Variants in HDLBP observed in about 807,000 individuals in gnomAD.
HDLBP encodes the protein vigilin.
Under a neutral mutation model 137.3 loss-of-function variants are expected in HDLBP, and 30 were observed. The ratio of observed to expected loss-of-function variants is 0.22; its 90% CI spans 0.16 to 0.30. The LOEUF (loss-of-function observed/expected upper bound fraction) is 0.30, where lower values mean the gene tolerates loss of function less well. HDLBP is among the 10% of genes least tolerant of loss of function. HDLBP has a pLI of 1.00. For missense variants in HDLBP, 1,119 were observed against 1,667.3 expected (o/e 0.67, Z 5.73); for synonymous variants, 606 against 596.0 (o/e 1.02, Z -0.24).
intron 16 of HDLBP, among the ~76,000 whole-genome samples, chr2:241,245,713 G>T (rs2149433317): frequency 6.6e-6 from 1 of 152,240 alleles, no homozygotes; most frequent in South Asian, 2.1e-4. Flanking sequence ...AAGGTGGGAG[G>T]ACTGCTTGAG....
chr2:241,310,694 A>T (rs1238182646), intron 1 of HDLBP, among the ~76,000 whole-genome samples: 2 of 152,228 alleles, frequency 1.3e-5, no homozygotes. Context: ...AAATCAAAGC[A>T]ATAAATCAAA....
At chr2:241,299,002 C>G (rs1454171226) in intron 1 of HDLBP, among the ~76,000 whole-genome samples, 1 of 152,184 alleles carries the variant, frequency 6.6e-6, no homozygotes, top group Non-Finnish European at 1.5e-5. Flanking sequence ...GCAACGCATT[C>G]ATGTTGATTT....
intron 3 of HDLBP, among the ~76,000 whole-genome samples, chr2:241,266,051 C>T (rs7590080): frequency 0.14 from 21,594 of 152,166 alleles, 2,017 homozygotes; most frequent in Non-Finnish European, 0.21. Flanking sequence ...AAGTGTGTTT[C>T]GAACAACCTG....
intron 1 of HDLBP, among the ~76,000 whole-genome samples, chr2:241,285,634 A>C (rs1287523367): frequency 2.0e-5 from 3 of 152,242 alleles, no homozygotes; most frequent in Non-Finnish European, 4.4e-5. Context: ...AGTTAATGTA[A>C]CTACATTTAG....
intron 1 of HDLBP, among the ~76,000 whole-genome samples, chr2:241,278,516 G>A (rs946886695): frequency 3.9e-5 from 6 of 151,948 alleles, no homozygotes; most frequent in African/African-American, 1.5e-4. Context: ...CCGGGAGGTG[G>A]AGGTTGCAGT....
At chr2:241,292,217 C>G (rs968122760) in intron 1 of HDLBP, among the ~76,000 whole-genome samples, 3 of 136,578 alleles carry the variant, frequency 2.2e-5, no homozygotes, top group Admixed American at 1.6e-4. Flanking sequence ...CAGCCTGAAA[C>G]CAATTAAGCA....
intron 1 of HDLBP, among the ~76,000 whole-genome samples, chr2:241,294,076 C>T (rs2075097240): frequency 6.6e-6 from 1 of 152,176 alleles, no homozygotes; most frequent in Admixed American, 6.5e-5. Flanking sequence ...ACAATATTAT[C>T]TTTGCCTGGT....
intron 1 of HDLBP, among the ~76,000 whole-genome samples, chr2:241,291,692 A>AATG (rs1241109030): frequency 6.6e-6 from 1 of 152,264 alleles, no homozygotes; most frequent in Non-Finnish European, 1.5e-5. Flanking sequence ...TAGGCTGAAC[A>AATG]ATGGCCTCCA....
Position 241,301,289 on chromosome 2 carries a change from A to G in HDLBP, c.-103+14281T>C, listed in dbSNP as rs546473503. Among the ~76,000 whole-genome samples, 23 of 152,108 alleles carry G rather than the reference A, an allele frequency of 1.5e-4. No homozygotes were observed. The South Asian group carries it at 4.8e-3, about 32-fold the overall frequency. ...GGCATGAGCCACTGCACCCGGCCAC[A>G]CACATACTGATTTAAACCAATGCTA... On this transcript the variant is annotated intron_variant, in intron 1 of 27. Transcript: ENST00000310931.
At position 241,273,751 on chromosome 2, in the gene HDLBP, A is replaced by G. The variant is rs865871524; in HGVS notation, c.-102-5210T>C. On this transcript the variant is annotated intron_variant, in intron 1 of 27. Coordinates refer to ENST00000310931, the MANE Select transcript of HDLBP (RefSeq NM_005336.6). ...GGGCACACCCAGCCTTACCCAGGGAATGGGGTCAGGTCCGCACAGCCTGCA... is the reference window on the plus strand; with the variant it reads ...GGGCACACCCAGCCTTACCCAGGGAGTGGGGTCAGGTCCGCACAGCCTGCA... The G allele has an allele frequency of 1.5e-5, 12 of 821,326 alleles. No homozygotes were observed. The Middle Eastern group carries it at 4.4e-3, about 300-fold the overall frequency. 50.9% of individuals were successfully genotyped at this position (821,326 alleles called of 1,614,324 possible). A position where few individuals can be genotyped will look rare whatever the true frequency, so the allele number is the denominator to read the frequency against.
chr2:241,238,740 T>C lies in HDLBP; in HGVS notation c.2658A>G (p.Arg886=), dbSNP rs2070861387. Residue 886 remains arginine, a synonymous_variant, in exon 20 of 28, where the codon CGA becomes CGG. Transcript: ENST00000310931. The surrounding 1 kb of genome is among the most constrained non-coding windows in gnomAD (Gnocchi z 4.9). ...LECAIPQKFH[R]SVMGPKGSRI... ...TGGAACCTTTGGGGCCCATGACAGA[T>C]CGATGGAATTTCTGGGGTATAGCAC... 1 of 1,577,754 alleles carries C rather than the reference T, an allele frequency of 6.3e-7. No homozygotes were observed.
chr2:241,272,536 G>A lies in HDLBP; in HGVS notation c.-102-3995C>T, dbSNP rs2074166283. 1.0e-6 allele frequency: 1 copy of A among 984,522 alleles called. No homozygotes were observed. Among genetic ancestry groups the A allele is most frequent in the East Asian group, 1.1e-4 (1 of 8,750 alleles). 61.0% of individuals were successfully genotyped at this position (984,522 alleles called of 1,614,324 possible). A position where few individuals can be genotyped will look rare whatever the true frequency, so the allele number is the denominator to read the frequency against. The stretch of plus-strand genomic sequence containing the variant: ...CCGCGCCACGGCCACGCGCAGAAGA[G>A]ACTCGGAGCCGGCCCCAGGTCTGGC... On this transcript the variant is annotated intron_variant, in intron 1 of 27. Transcript: ENST00000310931. The surrounding 1 kb of genome is among the most constrained non-coding windows in gnomAD (Gnocchi z 5.6).
At position 241,227,990 on chromosome 2, in the gene HDLBP, A is replaced by G. The variant is rs2069291417; in HGVS notation, c.*1611T>C. 1 of 152,248 alleles carries G rather than the reference A, an allele frequency of 6.6e-6. No individual in the cohort carries two copies. The highest frequency in any genetic ancestry group is 1.5e-5 in the Non-Finnish European group (1 of 68,054). The allele number at this position is 152,248 out of a possible 1,614,324, so 9.4% of individuals were successfully genotyped here. A position where few individuals can be genotyped will look rare whatever the true frequency, so the allele number is the denominator to read the frequency against. On this transcript the variant is annotated 3_prime_UTR_variant, in exon 28 of 28. Transcript: ENST00000310931. Reference sequence around the variant, plus strand: ...ACCATTCCTGTAAACAGGCCCATTCAGGGCTGCCTGAGCAAATGGGGACTT... The same window carrying G: ...ACCATTCCTGTAAACAGGCCCATTCGGGGCTGCCTGAGCAAATGGGGACTT...
chr2:241,305,450 C>T (rs939595970), intron 1 of HDLBP, among the ~76,000 whole-genome samples: 4 of 152,122 alleles, frequency 2.6e-5, no homozygotes, highest in Admixed American at 1.3e-4. Flanking sequence ...ACCAAAAAAA[C>T]GGGGCCTGTG....
chr2:241,301,877 AG>A (rs2075406990), intron 1 of HDLBP, among the ~76,000 whole-genome samples: 1 of 152,124 alleles, frequency 6.6e-6, no homozygotes, highest in Non-Finnish European at 1.5e-5. Flanking sequence ...GGAAGCCCTA[AG>A]GGGTAAAACT....
chr2:241,230,612 G>T lies in HDLBP; in HGVS notation c.3474+147C>A. 3 of 703,054 alleles carry T rather than the reference G, an allele frequency of 4.3e-6. No homozygotes were observed. Among genetic ancestry groups the T allele is most frequent in the Admixed American group, 2.5e-5 (1 of 39,452 alleles). 43.6% of individuals were successfully genotyped at this position (703,054 alleles called of 1,614,324 possible). A position where few individuals can be genotyped will look rare whatever the true frequency, so the allele number is the denominator to read the frequency against. ...CAGGCCGTCGCCTGCACTGACCCGTGGTGTCCATGAGGACAGTTCCACTGC... is the reference window on the plus strand; with the variant it reads ...CAGGCCGTCGCCTGCACTGACCCGTTGTGTCCATGAGGACAGTTCCACTGC... On this transcript the variant is annotated intron_variant, in intron 25 of 27. Transcript: ENST00000310931. The surrounding 1 kb of genome is among the most constrained non-coding windows in gnomAD (Gnocchi z 5.0).
At chr2:241,299,885 A>AGC (rs1400226545) in intron 1 of HDLBP, among the ~76,000 whole-genome samples, 1 of 151,094 alleles carries the variant, frequency 6.6e-6, no homozygotes, top group Non-Finnish European at 1.5e-5. Flanking sequence ...ACTGCACTCC[A>AGC]GCCTGGGGGA....
intron 11 of HDLBP, among the ~76,000 whole-genome samples, chr2:241,251,353 T>C (rs923303488): frequency 6.6e-6 from 1 of 152,218 alleles, no homozygotes; most frequent in African/African-American, 2.4e-5. Context: ...AAAGGTCACT[T>C]TGTGCCTACA....
chr2:241,307,862 AC>A (rs1199778091), intron 1 of HDLBP, among the ~76,000 whole-genome samples: 1 of 150,818 alleles, frequency 6.6e-6, no homozygotes, highest in Non-Finnish European at 1.5e-5. Flanking sequence ...TACTGATAGG[AC>A]CCTTGAACTA....
Sources: gnomAD v4.1 joint callset for allele counts (sites outside exome capture counted in the v4.1 genomes callset) on GRCh38, gnomAD v4.1.1 for gene constraint, Gnocchi (gnomAD v3.1) non-coding constraint, MANE v1.5 for transcripts, NCBI Gene and HGNC (gene_info 2026-07-23, HGNC 2026-07-21) for gene names.